The following ZNF485 variants were observed in gnomAD, a reference collection of about 807,000 sequenced individuals.
ZNF485 encodes the protein zinc finger protein 485.
ZNF485 carries 9 observed loss-of-function variants against 10.8 expected under a neutral mutation model. That is an observed-to-expected ratio of 0.83 (90% CI 0.50 to 1.45). The LOEUF is 1.45. Among genes scored for constraint, ZNF485 ranks in the 40% most tolerant of loss-of-function variants. The pLI, the probability that ZNF485 is intolerant of heterozygous loss-of-function variation, is 0.00. For synonymous variants in ZNF485, 187 were observed against 181.0 expected (o/e 1.03, Z -0.27); for missense variants, 487 against 528.0 (o/e 0.92, Z 0.76).
At position 43,617,187 on chromosome 10, in the gene ZNF485, T is replaced by C. The variant is rs2132356233; in HGVS notation, c.1144T>C (p.Tyr382His). The C allele has an allele frequency of 1.2e-6, 2 of 1,614,192 alleles. No individual in the cohort carries two copies. The highest frequency in any genetic ancestry group is 1.7e-6 in the Non-Finnish European group (2 of 1,180,042). The change falls in exon 5 of 5, where the codon TAT becomes CAT. Residue 382 changes from tyrosine (Y) to histidine (H), a missense_variant. Coordinates refer to ENST00000361807, the MANE Select transcript of ZNF485 (RefSeq NM_145312.4). Reference sequence around the variant, plus strand: ...GAGAATTCATACTGGAGAAAAACCCTATCACTGTAAGAAATGTGGGAAAGC... The same window carrying C: ...GAGAATTCATACTGGAGAAAAACCCCATCACTGTAAGAAATGTGGGAAAGC... ...HQRIHTGEKP[Y>H]HCKKCGKAFR...
intron 4 of ZNF485, among the ~76,000 whole-genome samples, 164 bp downstream of exon 4, chr10:43,609,514 C>G (rs1033830666): frequency 1.3e-5 from 2 of 152,184 alleles, no homozygotes; most frequent in Non-Finnish European, 2.9e-5. Flanking sequence ...TCTCCCCAGT[C>G]TTTCTGCACT....
intron 4 of ZNF485, among the ~76,000 whole-genome samples, chr10:43,609,919 C>A (rs928458217): frequency 1.3e-5 from 2 of 152,188 alleles, no homozygotes; most frequent in African/African-American, 4.8e-5. Flanking sequence ...CTCCTGGCCT[C>A]AAGTGGTCCT....
intron 4 of ZNF485, among the ~76,000 whole-genome samples, chr10:43,609,865 T>G (rs1479970524): frequency 6.6e-6 from 1 of 152,106 alleles, no homozygotes; most frequent in East Asian, 1.9e-4. Flanking sequence ...TTTTATTTTA[T>G]GTAGAGATGG....
chr10:43,609,255 G>A lies in ZNF485; in HGVS notation c.152G>A (p.Gly51Glu), dbSNP rs983435437. The change falls in exon 4 of 5, where the codon GGG becomes GAG. Residue 51 changes from glycine to glutamate, a missense_variant and splice_region_variant. Gly to Glu is a moderately conservative substitution (Grantham distance 98). Coordinates refer to ENST00000361807, the MANE Select transcript of ZNF485 (RefSeq NM_145312.4). ...LENYGNLVSVGLLSSKPKLIT... is the reference protein window; with the variant it reads ...LENYGNLVSVELLSSKPKLIT... Reference sequence around the variant, plus strand: ...TAAGATCCTTTTTCTTTATGAACAGGGCTTCTCTCTTCCAAACCAAAACTA... The same window carrying A: ...TAAGATCCTTTTTCTTTATGAACAGAGCTTCTCTCTTCCAAACCAAAACTA... The A allele has an allele frequency of 1.5e-4, 243 of 1,612,356 alleles. No individual in the cohort carries two copies. Among genetic ancestry groups the A allele is most frequent in the Non-Finnish European group, 2.0e-4 (240 of 1,179,078 alleles).
intron 4 of ZNF485, among the ~76,000 whole-genome samples, chr10:43,615,286 T>C (rs1295127753): frequency 1.3e-5 from 2 of 152,096 alleles, no homozygotes; most frequent in Non-Finnish European, 2.9e-5. Context: ...AGTTTGGCTC[T>C]ATTAGTTTTT....
intron 2 of ZNF485, among the ~76,000 whole-genome samples, chr10:43,608,073 C>T (rs1371643950): frequency 6.6e-6 from 1 of 152,138 alleles, no homozygotes; most frequent in Non-Finnish European, 1.5e-5. Context: ...TATTCTGCCC[C>T]AGAGTCAGAT....
At chr10:43,610,119 CA>C (rs1226512928) in intron 4 of ZNF485, among the ~76,000 whole-genome samples, 1 of 152,164 alleles carries the variant, frequency 6.6e-6, no homozygotes, top group African/African-American at 2.4e-5. Flanking sequence ...CGATTTTTGG[CA>C]AACACATTGT....
chr10:43,616,735 G>A lies in ZNF485; in HGVS notation c.692G>A (p.Ser231Asn). 6.2e-7 allele frequency: 1 copy of A among 1,614,096 alleles called. No homozygotes were observed. Among genetic ancestry groups the A allele is most frequent in the Non-Finnish European group, 8.5e-7 (1 of 1,180,010 alleles). ...KTFRKNSILL[S>N]HQRIHTGQKP... ...TTCAGAAAGAACTCAATCCTTTTAA[G>A]TCATCAGAGAATTCATACTGGCCAG... is the stretch of plus-strand genomic sequence containing the variant. The change falls in exon 5 of 5, where the codon AGT (serine) becomes AAT (asparagine). Residue 231 changes from serine to asparagine, a missense_variant. Transcript: ENST00000361807.
chr10:43,616,205 A>G (rs756470524), intron 4 of ZNF485, 86 bp from the exon 5 acceptor site: 220 of 1,115,918 alleles, frequency 2.0e-4, no homozygotes, highest in Non-Finnish European at 2.6e-4. Context: ...GTTATGTAGA[A>G]TAGAACATTA....
At chr10:43,609,212 A>ATT in intron 3 of ZNF485, 43 bp from the exon 4 acceptor site, 26 of 1,348,312 alleles carry the variant, frequency 1.9e-5, no homozygotes, top group Non-Finnish European at 2.2e-5. Flanking sequence ...CTTTTCATTC[A>ATT]TTTTTTTTTT....
chr10:43,609,127 C>T, intron 3 of ZNF485, 128 bp from the exon 4 acceptor site: 1 of 734,364 alleles, frequency 1.4e-6, no homozygotes, highest in Non-Finnish European at 2.3e-6. Context: ...CTGACCTGTC[C>T]ATGCTCATTG....
chr10:43,616,538 C>T lies in ZNF485; in HGVS notation c.495C>T (p.Ile165=), dbSNP rs767242060. Residue 165 remains isoleucine, a synonymous_variant, in exon 5 of 5, where the codon ATC becomes ATT. Coordinates refer to ENST00000361807, the MANE Select transcript of ZNF485 (RefSeq NM_145312.4). ...CACATAAATGTAAAGAATGTGGGAT[C>T]GCCTTTATGAACAGTTCATCCCTTT... The part of the protein sequence containing the change: ...EKPHKCKECG[I]AFMNSSSLLN... The T allele has an allele frequency of 8.7e-6, 14 of 1,614,132 alleles. No individual in the cohort carries two copies. The highest frequency in any genetic ancestry group is 2.2e-5 in the East Asian group (1 of 44,880).
chr10:43,608,674 G>C lies in ZNF485; in HGVS notation c.85G>C (p.Asp29His). The change falls in exon 3 of 5, where the codon GAT becomes CAT. Residue 29 changes from aspartate (D) to histidine (H), a missense_variant. By Grantham distance (81) the Asp-to-His change is moderately conservative. Transcript: ENST00000361807. ...TACCCGGATTGAGTGGAGACACCTG[G>C]ATGCTGCTCAGCGGGCCCTGTACAG... ...AFTRIEWRHL[D>H]AAQRALYRDV... The C allele has an allele frequency of 1.2e-6, 2 of 1,614,152 alleles. No homozygotes were observed. The highest frequency in any genetic ancestry group is 1.7e-6 in the Non-Finnish European group (2 of 1,180,006).
chr10:43,617,442 A>G lies in ZNF485; in HGVS notation c.*73A>G. 2 of 1,099,918 alleles carry G rather than the reference A, an allele frequency of 1.8e-6. No homozygotes were observed. Among genetic ancestry groups the G allele is most frequent in the Non-Finnish European group, 1.3e-6 (1 of 769,246 alleles). 68.1% of individuals were successfully genotyped at this position (1,099,918 alleles called of 1,614,324 possible). On this transcript the variant is annotated 3_prime_UTR_variant, in exon 5 of 5. Transcript: ENST00000361807. ...GAGACATTAAATAAATTATGCATTTAACAGAAATACTCTGTACTTCTGAGA... is the reference window on the plus strand; with the variant it reads ...GAGACATTAAATAAATTATGCATTTGACAGAAATACTCTGTACTTCTGAGA...
rs553645947 is a variant in ZNF485 at position 43,614,949 on chromosome 10, T to C, written c.248-1342T>C. ...CTTTGTCATAGAAGAAGTGCCCATATGTGTCTTCACGTTGCCAGCTTTACA... is the reference window on the plus strand; with the variant it reads ...CTTTGTCATAGAAGAAGTGCCCATACGTGTCTTCACGTTGCCAGCTTTACA... On this transcript the variant is annotated intron_variant, in intron 4 of 4. Coordinates refer to ENST00000361807, the MANE Select transcript of ZNF485 (RefSeq NM_145312.4). Among the ~76,000 whole-genome samples the C allele has an allele frequency of 1.7e-3, 266 of 152,338 alleles. 1 individual carries two copies. The highest frequency in any genetic ancestry group is 6.1e-3 in the African/African-American group (255 of 41,586).
chr10:43,613,230 C>G (rs182887097), intron 4 of ZNF485, among the ~76,000 whole-genome samples: 1 of 152,188 alleles, frequency 6.6e-6, no homozygotes, highest in Non-Finnish European at 1.5e-5. Context: ...TGGCAATACC[C>G]GAGTAAATCA....
At chr10:43,611,071 C>T (rs1050598907) in intron 4 of ZNF485, among the ~76,000 whole-genome samples, 4 of 152,066 alleles carry the variant, frequency 2.6e-5, no homozygotes, top group Non-Finnish European at 4.4e-5. Flanking sequence ...CAGAGTCTCA[C>T]TGTTTCCTAG....
chr10:43,611,954 A>C (rs1292169704), intron 4 of ZNF485, among the ~76,000 whole-genome samples: 1 of 152,194 alleles, frequency 6.6e-6, no homozygotes, highest in Non-Finnish European at 1.5e-5. Context: ...GCTTTATATT[A>C]ACAAAGGTAA....
At chr10:43,607,143 C>A in intron 2 of ZNF485, 69 bp downstream of exon 2, 1 of 1,527,726 alleles carries the variant, frequency 6.5e-7, no homozygotes, top group East Asian at 2.4e-5. Flanking sequence ...GCCTCTTGCC[C>A]GGACAATGCC....
Sources: gnomAD v4.1 joint callset for allele counts (sites outside exome capture counted in the v4.1 genomes callset) on GRCh38, gnomAD v4.1.1 for gene constraint, MANE v1.5 for transcripts, NCBI Gene and HGNC (gene_info 2026-07-23, HGNC 2026-07-21) for gene names.